The following CCDC73 variants were observed in gnomAD, a reference collection of about 807,000 sequenced individuals.
The protein encoded by CCDC73 is coiled-coil domain-containing protein 73.
CCDC73 carries 95 observed loss-of-function variants against 116.5 expected under a neutral mutation model. The observed-to-expected ratio is 0.82, with a 90% CI of 0.69 to 0.97. CCDC73 has a LOEUF of 0.97. Ranked by LOEUF, CCDC73 falls within the 50% of genes least tolerant of loss-of-function variation. The probability of loss-of-function intolerance (pLI) is 0.00; values close to 1 mark genes in which losing one functional copy is unlikely to be tolerated. For missense variants in CCDC73, 1,066 were observed against 1,206.8 expected (o/e 0.88, Z 1.73); for synonymous variants, 398 against 401.3 (o/e 0.99, Z 0.10).
intron 3 of CCDC73, among the ~76,000 whole-genome samples, chr11:32,713,787 T>C (rs905620643): frequency 7.2e-5 from 11 of 152,158 alleles, no homozygotes; most frequent in African/African-American, 1.9e-4. Context: ...TCAATCAGCA[T>C]TGGTGGTGAA....
At chr11:32,629,512 G>A (rs971843247) in intron 14 of CCDC73, among the ~76,000 whole-genome samples, 3 of 151,542 alleles carry the variant, frequency 2.0e-5, no homozygotes, top group African/African-American at 7.3e-5. Flanking sequence ...GCGTTCTCCT[G>A]CCTCAGCCTA....
At chr11:32,730,923 A>C (rs1850071276) in intron 2 of CCDC73, among the ~76,000 whole-genome samples, 1 of 152,174 alleles carries the variant, frequency 6.6e-6, no homozygotes, top group African/African-American at 2.4e-5. Flanking sequence ...TCGGACAGTA[A>C]GTGCAGGGCA....
chr11:32,652,486 T>G (rs915316585), intron 12 of CCDC73, among the ~76,000 whole-genome samples: 1 of 152,172 alleles, frequency 6.6e-6, no homozygotes, highest in Non-Finnish European at 1.5e-5. Flanking sequence ...CTCCCCTTCT[T>G]GTATCTCAAT....
At position 32,659,219 on chromosome 11, in the gene CCDC73, A is replaced by T. The variant is rs978670953; in HGVS notation, c.646-4247T>A. On this transcript the variant is annotated intron_variant, in intron 9 of 17. Transcript: ENST00000335185. ...TTCCTTTGAAAGGAGAGTTGCATGAATTTTTTTTTTCAGAGGTAGAGTGGA... is the reference window on the plus strand; with the variant it reads ...TTCCTTTGAAAGGAGAGTTGCATGATTTTTTTTTTTCAGAGGTAGAGTGGA... Among the ~76,000 whole-genome samples the T allele has an allele frequency of 4.6e-5, 7 of 151,158 alleles. No homozygotes were observed. In the South Asian group the frequency reaches 1.3e-3, roughly 27 times the overall value.
rs149607558 is a variant in CCDC73, at chr11:32,696,704, G to A, written c.390+2547C>T. On this transcript the variant is annotated intron_variant, in intron 6 of 17. Coordinates refer to ENST00000335185, the MANE Select transcript of CCDC73 (RefSeq NM_001008391.4). ...ATCCGCCCAAAATGCTGGGATTACA[G>A]GCATGAGCCACCATGCCCGGCCTCT... is the stretch of plus-strand genomic sequence containing the variant. Among the ~76,000 whole-genome samples, 1,085 of 151,976 alleles carry A rather than the reference G, an allele frequency of 7.1e-3. 11 individuals carry two copies. The highest frequency in any genetic ancestry group is 0.024 in the African/African-American group (1,007 of 41,456).
chr11:32,678,901 T>A (rs373679105), intron 7 of CCDC73, among the ~76,000 whole-genome samples: 11,712 of 144,046 alleles, frequency 0.081, 543 homozygotes, highest in African/African-American at 0.098. Flanking sequence ...AAAAAAAATA[T>A]ATATATATAC....
chr11:32,666,019 T>C (rs190627024), intron 9 of CCDC73, among the ~76,000 whole-genome samples: 348 of 152,360 alleles, frequency 2.3e-3, no homozygotes, highest in Non-Finnish European at 4.0e-3. Context: ...GTGTTTCTGC[T>C]GAGATATCTG....
At chr11:32,670,657 T>G (rs1856030506) in intron 9 of CCDC73, among the ~76,000 whole-genome samples, 1 of 152,218 alleles carries the variant, frequency 6.6e-6, no homozygotes. Flanking sequence ...CTTTTAATTC[T>G]CTACATAAAG....
At chr11:32,613,131 G>A (rs1353364949) in intron 16 of CCDC73, among the ~76,000 whole-genome samples, 2 of 152,024 alleles carry the variant, frequency 1.3e-5, no homozygotes, top group African/African-American at 4.8e-5. Context: ...GAGAAAATTG[G>A]GCAAAGAAAG....
Position 32,727,822 on chromosome 11 carries a change from G to A in CCDC73, c.136-9675C>T, listed in dbSNP as rs1322684602. On this transcript the variant is annotated intron_variant, in intron 2 of 17. Coordinates refer to ENST00000335185, the MANE Select transcript of CCDC73 (RefSeq NM_001008391.4). ...CCTGATGTCGTGATTCACCTGCCTC[G>A]GCCTCCCAAAGTGCTGGGATTACAG... is the stretch of plus-strand genomic sequence containing the variant. Among the ~76,000 whole-genome samples the A allele has an allele frequency of 4.6e-5, 7 of 152,060 alleles. No individual in the cohort carries two copies. In the East Asian group the frequency reaches 9.7e-4, roughly 21 times the overall value.
At chr11:32,685,266 CAAA>C (rs35408326) in intron 6 of CCDC73, among the ~76,000 whole-genome samples, 16 of 93,478 alleles carry the variant, frequency 1.7e-4, no homozygotes, top group Non-Finnish European at 3.0e-4. Context: ...AACACTGGAC[CAAA>C]AAAAAAAAAA....
At chr11:32,787,519 A>G (rs1374134308) in intron 1 of CCDC73, among the ~76,000 whole-genome samples, 2 of 152,358 alleles carry the variant, frequency 1.3e-5, no homozygotes, top group African/African-American at 2.4e-5. Flanking sequence ...ATTATTTGGT[A>G]AAGAACCATA....
chr11:32,745,647 T>C (rs1401027385), intron 2 of CCDC73, among the ~76,000 whole-genome samples: 3 of 152,130 alleles, frequency 2.0e-5, no homozygotes, highest in Non-Finnish European at 4.4e-5. Context: ...CCCTTTACCA[T>C]TATGTAATGG....
the CCDC73 span, among the ~76,000 whole-genome samples, chr11:32,826,448 C>T: frequency 1.3e-5 from 2 of 152,138 alleles, no homozygotes; most frequent in Admixed American, 1.3e-4. Flanking sequence ...TTGAGTCCAT[C>T]CTCATGCCCA....
intron 2 of CCDC73, among the ~76,000 whole-genome samples, chr11:32,728,582 G>A (rs967526726): frequency 1.3e-5 from 2 of 152,046 alleles, no homozygotes; most frequent in Admixed American, 6.6e-5. Context: ...GCCCTCTCGG[G>A]AGACAAAGCT....
In CCDC73 at chr11:32,641,627, A is replaced by G. The variant is rs562148166; in HGVS notation, c.1050+345T>C. 2.6e-5 allele frequency among the ~76,000 whole-genome samples: 4 copies of G among 151,848 alleles called. No homozygotes were observed. In the East Asian group the frequency reaches 5.8e-4, roughly 22 times the overall value. On this transcript the variant is annotated intron_variant, in intron 13 of 17. Coordinates refer to ENST00000335185, the MANE Select transcript of CCDC73 (RefSeq NM_001008391.4). Reference sequence around the variant, plus strand: ...ACATATATAATTATTTTAATCATTTACTAAAATACTATGCAATGGTTTTAT... The same window carrying G: ...ACATATATAATTATTTTAATCATTTGCTAAAATACTATGCAATGGTTTTAT...
chr11:32,749,151 G>A (rs139139402), intron 2 of CCDC73, among the ~76,000 whole-genome samples: 104 of 151,956 alleles, frequency 6.8e-4, no homozygotes, highest in South Asian at 1.3e-3. Context: ...CTCTCTCTAC[G>A]TCCTCTTTAA....
intron 14 of CCDC73, among the ~76,000 whole-genome samples, chr11:32,626,642 G>A (rs1226715838): frequency 2.0e-5 from 3 of 152,052 alleles, no homozygotes; most frequent in Non-Finnish European, 4.4e-5. Flanking sequence ...TAGACCAATG[G>A]AACAGAACAG....
intron 14 of CCDC73, among the ~76,000 whole-genome samples, chr11:32,617,863 A>G (rs1056021844): frequency 1.3e-5 from 2 of 152,158 alleles, no homozygotes; most frequent in African/African-American, 4.8e-5. Context: ...GTATTTATTT[A>G]TTACTTTTGT....
Sources: allele counts gnomAD v4.1 joint callset (sites outside exome capture counted in the v4.1 genomes callset), GRCh38; gene constraint gnomAD v4.1.1; transcripts MANE v1.5; gene names NCBI Gene and HGNC (gene_info 2026-07-23, HGNC 2026-07-21).